KIF23: variants seen among roughly 807,000 people sequenced by gnomAD.
The protein encoded by KIF23 is kinesin-like protein KIF23.
A neutral mutation model predicts 137.5 loss-of-function variants in KIF23; 30 were observed. That is an observed-to-expected ratio of 0.22 (90% confidence interval 0.16 to 0.30). The LOEUF is 0.30. Ranked by LOEUF, KIF23 falls within the 10% of genes least tolerant of loss-of-function variation. KIF23 has a pLI of 1.00. For synonymous variants in KIF23, 367 were observed against 391.1 expected, an observed-to-expected ratio of 0.94 and a Z score of 0.73; for missense variants, 920 against 1,194.3, an observed-to-expected ratio of 0.77 and a Z score of 3.38.
rs572694298 is a variant in KIF23 at position 69,442,695 on chromosome 15, T to G, written c.2421+1616T>G. Among the ~76,000 whole-genome samples the G allele has an allele frequency of 2.1e-4, 32 of 152,342 alleles. No homozygotes were observed. In the East Asian group the frequency reaches 5.8e-3, roughly 28 times the overall value. On this transcript the variant is annotated intron_variant, in intron 19 of 23. Coordinates refer to ENST00000679126, the MANE Select transcript of KIF23 (RefSeq NM_001367805.3). The stretch of plus-strand genomic sequence containing the variant: ...TCTAGTCAGTCATTTTATGAAAGTT[T>G]ATAGGCTGAAAACTATTCAAGGCTT...
At chr15:69,447,686 T>C (rs1404412881) in intron 23 of KIF23, 106 bp from the exon 24 acceptor site, 1 of 999,564 alleles carries the variant, frequency 1.0e-6, no homozygotes, top group East Asian at 2.5e-5. Flanking sequence ...ACTTGAATTA[T>C]CTCATCATAA....
chr15:69,435,897 C>G (rs1458981672), intron 13 of KIF23, 126 bp downstream of exon 13: 1 of 1,344,530 alleles, frequency 7.4e-7, no homozygotes, highest in Non-Finnish European at 1.0e-6. Context: ...TAGAAGTAAA[C>G]TAGGCTTGGT....
chr15:69,439,575 A>G lies in KIF23; in HGVS notation c.1756-329A>G, dbSNP rs577060074. 1.4e-4 allele frequency among the ~76,000 whole-genome samples: 22 copies of G among 152,368 alleles called. 1 individual carries two copies. In the South Asian group the frequency reaches 4.3e-3, roughly 30 times the overall value. ...TCATTTAGAGGTTTGGTGGGGGTAC[A>G]CATTCATAAGAGAAGTTAGTCTCAA... On this transcript the variant is annotated intron_variant, in intron 16 of 23. Transcript: ENST00000679126.
At chr15:69,423,642 A>G (rs532082352) in intron 7 of KIF23, among the ~76,000 whole-genome samples, 83 of 152,336 alleles carry the variant, frequency 5.4e-4, no homozygotes, top group Non-Finnish European at 8.5e-4. Context: ...TTATATAATT[A>G]AGAACGTTTC....
Position 69,426,106 on chromosome 15 carries a change from C to G in KIF23, c.813C>G (p.Asn271Lys), listed in dbSNP as rs1414056387. The G allele has an allele frequency of 1.9e-6, 3 of 1,602,286 alleles. No homozygotes were observed. The highest frequency in any genetic ancestry group is 2.3e-5 in the South Asian group (2 of 88,372). Reference sequence around the variant, plus strand: ...CTAAATTGCTTCGTGAAGATAAGAACCATAACATGTATGTTGCAGGATGTA... The same window carrying G: ...CTAAATTGCTTCGTGAAGATAAGAAGCATAACATGTATGTTGCAGGATGTA... ...PQSKLLREDK[N>K]HNMYVAGCTE... The change falls in exon 9 of 24, where the codon AAC becomes AAG. Residue 271 changes from asparagine to lysine, a missense_variant. By Grantham distance (94) the Asn-to-Lys change is moderately conservative (BLOSUM62 0). Coordinates refer to ENST00000679126, the MANE Select transcript of KIF23 (RefSeq NM_001367805.3).
rs1312130665 is a variant in KIF23 at position 69,439,905 on chromosome 15, T to C, written c.1757T>C (p.Ile586Thr). The change falls in exon 17 of 24, where the codon ATT becomes ACT. Residue 586 changes from isoleucine (I) to threonine (T), a missense_variant and splice_region_variant. Transcript: ENST00000679126. ...EKKNKTLEYKIEILEKTTTIY... is the reference protein window; with the variant it reads ...EKKNKTLEYKTEILEKTTTIY... Reference sequence around the variant, plus strand: ...GAACATAGTGGTCTACCTTCCTAGATTGAGATTTTAGAGAAAACAACTACT... The same window carrying C: ...GAACATAGTGGTCTACCTTCCTAGACTGAGATTTTAGAGAAAACAACTACT... 6.2e-7 allele frequency: 1 copy of C among 1,609,244 alleles called. No individual in the cohort carries two copies. The highest frequency in any genetic ancestry group is 1.3e-5 in the African/African-American group (1 of 74,738).
At chr15:69,445,157 TA>T (rs1233962106) in intron 20 of KIF23, 116 bp downstream of exon 20, 2 of 996,860 alleles carry the variant, frequency 2.0e-6, no homozygotes, top group African/African-American at 3.3e-5. Flanking sequence ...CATCAGTAGG[TA>T]TTTGATATAA....
chr15:69,434,521 C>G, intron 11 of KIF23: 1 of 770,614 alleles, frequency 1.3e-6, no homozygotes, highest in Non-Finnish European at 2.3e-6. Flanking sequence ...GTATGCCAGC[C>G]TGGATCTCAT....
chr15:69,446,484 T>C (rs2057743163), intron 22 of KIF23, 120 bp downstream of exon 22: 6 of 748,154 alleles, frequency 8.0e-6, no homozygotes, highest in Non-Finnish European at 1.4e-5. Flanking sequence ...ACATTGCCAG[T>C]GCACCATGTA....
At chr15:69,435,109 C>T in intron 11 of KIF23, 1 of 473,488 alleles carries the variant, frequency 2.1e-6, no homozygotes, top group East Asian at 3.1e-5. Flanking sequence ...GCCTGGGGGT[C>T]GCCATGATTC....
At chr15:69,440,678 A>G (rs2057594225) in intron 18 of KIF23, 90 bp from the exon 19 acceptor site, 14 of 1,163,534 alleles carry the variant, frequency 1.2e-5, no homozygotes, top group Non-Finnish European at 1.7e-5. Flanking sequence ...TGTAATGTTA[A>G]GTCTTCATGT....
At chr15:69,419,608 C>T (rs1051891718) in intron 3 of KIF23, among the ~76,000 whole-genome samples, 1 of 152,206 alleles carries the variant, frequency 6.6e-6, no homozygotes, top group African/African-American at 2.4e-5. Context: ...CAACCCCTCT[C>T]CCCTGGTCTG....
intron 11 of KIF23, 138 bp downstream of exon 11, chr15:69,429,351 A>G (rs2057292961): frequency 3.1e-6 from 2 of 639,782 alleles, no homozygotes; most frequent in Non-Finnish European, 2.7e-6. Flanking sequence ...GTTACCCAGG[A>G]TGGAATGCAG....
chr15:69,439,077 G>A (rs2057551516), intron 16 of KIF23, among the ~76,000 whole-genome samples: 2 of 150,004 alleles, frequency 1.3e-5, no homozygotes, highest in Admixed American at 1.3e-4. Flanking sequence ...CAGCCTAGGT[G>A]ACAGAGCGAG....
In KIF23 at chr15:69,422,390, G is replaced by A. The variant is rs564260621; in HGVS notation, c.518G>A (p.Arg173His). 1.3e-5 allele frequency: 21 copies of A among 1,610,388 alleles called. No individual in the cohort carries two copies. The highest frequency in any genetic ancestry group is 2.7e-5 in the African/African-American group (2 of 74,842). ...IQCEVDALLE[R>H]QKREAMPNPK... ...TGTGAGGTTGATGCCTTATTAGAAC[G>A]TCAGAAAAGAGAAGCTATGCCCAAT... The change falls in exon 6 of 24, where the codon CGT becomes CAT. Residue 173 changes from arginine to histidine, a missense_variant. Arg to His is a conservative substitution (Grantham distance 29). This residue lies in a region of KIF23 where 714 missense variants were observed against 866.2 expected (regional missense o/e 0.82). Transcript: ENST00000679126.
chr15:69,446,382 T>C lies in KIF23; in HGVS notation c.2838+18T>C. 6.3e-7 allele frequency: 1 copy of C among 1,593,414 alleles called. No homozygotes were observed. The highest frequency in any genetic ancestry group is 8.6e-7 in the Non-Finnish European group (1 of 1,161,700). ...AAACAAGGGTAGGGGAAAAATTAAATATTTGTCTGCCTACTAAAATTAGGT... is the reference window on the plus strand; with the variant it reads ...AAACAAGGGTAGGGGAAAAATTAAACATTTGTCTGCCTACTAAAATTAGGT... On this transcript the variant is annotated intron_variant, in intron 22 of 23. Transcript: ENST00000679126.
chr15:69,428,335 G>A (rs1297220144), intron 10 of KIF23, among the ~76,000 whole-genome samples: 1 of 151,662 alleles, frequency 6.6e-6, no homozygotes, highest in Non-Finnish European at 1.5e-5. Flanking sequence ...GCATTAGTTC[G>A]GTACCACTTG....
At chr15:69,434,818 C>T (rs1210907753) in intron 11 of KIF23, 2 of 975,192 alleles carry the variant, frequency 2.1e-6, no homozygotes, top group Admixed American at 1.9e-5. Context: ...TCATCCTGCA[C>T]GTCCCTGGCA....
intron 11 of KIF23, among the ~76,000 whole-genome samples, chr15:69,430,317 T>A (rs74020690): frequency 0.077 from 11,786 of 152,248 alleles, 836 homozygotes; most frequent in East Asian, 0.18. Flanking sequence ...GTGTGATCAA[T>A]CAGTGTAATT....
Sources: gnomAD v4.1 joint callset for allele counts (sites outside exome capture counted in the v4.1 genomes callset) on GRCh38, gnomAD v4.1.1 for gene constraint, gnomAD v4.1.1 regional missense constraint, MANE v1.5 for transcripts, NCBI Gene and HGNC (gene_info 2026-07-23, HGNC 2026-07-21) for gene names.